The following ST3GAL4 variants were observed in gnomAD, a reference collection of about 807,000 sequenced individuals.
ST3GAL4 encodes the protein ST3 beta-galactoside alpha-2,3-sialyltransferase 4.
ST3GAL4 carries 24 observed loss-of-function variants against 42.6 expected under a neutral mutation model. The ratio of observed to expected loss-of-function variants is 0.56; its 90% CI spans 0.41 to 0.79. The LOEUF (loss-of-function observed/expected upper bound fraction) is 0.79, where lower values mean the gene tolerates loss of function less well. ST3GAL4 is among the 30% of genes least tolerant of loss of function. The pLI is 0.00. For missense variants in ST3GAL4, 311 were observed against 430.8 expected (o/e 0.72, Z 2.46); for synonymous variants, 135 against 163.2 (o/e 0.83, Z 1.32).
intron 1 of ST3GAL4, among the ~76,000 whole-genome samples, chr11:126,360,675 G>A (rs1350764187): frequency 6.6e-6 from 1 of 152,202 alleles, no homozygotes; most frequent in Non-Finnish European, 1.5e-5. Flanking sequence ...GCCCACCTCA[G>A]CCTCCCAAAG....
chr11:126,405,066 A>T (rs1041230007), intron 1 of ST3GAL4, among the ~76,000 whole-genome samples: 5 of 152,246 alleles, frequency 3.3e-5, no homozygotes, highest in African/African-American at 4.8e-5. Flanking sequence ...GTCCCAGGCC[A>T]TACTCAGGCT....
In ST3GAL4 at chr11:126,393,019, C is replaced by T. The variant is rs1285894227; in HGVS notation, c.-60-13077C>T. Among the ~76,000 whole-genome samples the T allele has an allele frequency of 1.3e-5, 2 of 148,622 alleles. No individual in the cohort carries two copies. Among genetic ancestry groups the T allele is most frequent in the African/African-American group, 2.5e-5 (1 of 39,822 alleles). Reference sequence around the variant, plus strand: ...GCAGGGGGACGATCATAGCTTACTGCAGCCTCGATCTCCTGGACTCAGGGG... The same window carrying T: ...GCAGGGGGACGATCATAGCTTACTGTAGCCTCGATCTCCTGGACTCAGGGG... On this transcript the variant is annotated intron_variant, in intron 1 of 10. Coordinates refer to ENST00000444328, the MANE Select transcript of ST3GAL4 (RefSeq NM_001254757.2). The surrounding 1 kb of genome is among the most constrained non-coding windows in gnomAD (Gnocchi z 5.9).
In ST3GAL4 at chr11:126,379,551, C is replaced by A. The variant is rs942907868; in HGVS notation, c.-61+23709C>A. Among the ~76,000 whole-genome samples the A allele has an allele frequency of 2.6e-5, 4 of 152,126 alleles. No individual in the cohort carries two copies. Among genetic ancestry groups the A allele is most frequent in the Non-Finnish European group, 4.4e-5 (3 of 68,042 alleles). On this transcript the variant is annotated intron_variant, in intron 1 of 10. Coordinates refer to ENST00000444328, the MANE Select transcript of ST3GAL4 (RefSeq NM_001254757.2). This position sits in a 1 kb window ranked among gnomAD's most constrained non-coding sequence, Gnocchi z 4.2. ...GCAGTGCAGTGGCACGATCTTGGCT[C>A]ACTGCAACCTCCACCTCCCGGGTTC...
intron 1 of ST3GAL4, among the ~76,000 whole-genome samples, chr11:126,399,663 G>T (rs1444346467): frequency 6.6e-6 from 1 of 152,056 alleles, no homozygotes; most frequent in Non-Finnish European, 1.5e-5. Flanking sequence ...AAGTTTTACA[G>T]TATACAGTTA....
Position 126,366,576 on chromosome 11 carries a change from C to T in ST3GAL4, c.-61+10734C>T, listed in dbSNP as rs2135391157. Among the ~76,000 whole-genome samples the T allele has an allele frequency of 6.6e-6, 1 of 152,320 alleles. No individual in the cohort carries two copies. The highest frequency in any genetic ancestry group is 2.4e-5 in the African/African-American group (1 of 41,576). On this transcript the variant is annotated intron_variant, in intron 1 of 10. Coordinates refer to ENST00000444328, the MANE Select transcript of ST3GAL4 (RefSeq NM_001254757.2). The surrounding 1 kb of genome is among the most constrained non-coding windows in gnomAD (Gnocchi z 4.2). ...CTGGGGGCCCTGTTCCACTCTCCTT[C>T]CCGTGTGCAGGGCCCTCCCCTCTGG...
chr11:126,406,756 C>T lies in ST3GAL4; in HGVS notation c.102-187C>T, dbSNP rs567480205. On this transcript the variant is annotated intron_variant, in intron 3 of 10. Coordinates refer to ENST00000444328, the MANE Select transcript of ST3GAL4 (RefSeq NM_001254757.2). The surrounding 1 kb of genome is among the most constrained non-coding windows in gnomAD (Gnocchi z 5.4). Reference sequence around the variant, plus strand: ...CCTGGGATGTCTCACTGGGCCCTCACCCAGGGAGTGCAGGGGCAGGAAGAC... The same window carrying T: ...CCTGGGATGTCTCACTGGGCCCTCATCCAGGGAGTGCAGGGGCAGGAAGAC... The T allele has an allele frequency of 1.3e-4, 126 of 941,202 alleles. 1 individual carries two copies. The African/African-American group carries it at 2.0e-3, about 15-fold the overall frequency. The allele number at this position is 941,202 out of a possible 1,614,324, so 58.3% of individuals were successfully genotyped here.
At chr11:126,402,121 A>G (rs1385590432) in intron 1 of ST3GAL4, among the ~76,000 whole-genome samples, 1 of 150,850 alleles carries the variant, frequency 6.6e-6, no homozygotes, top group Non-Finnish European at 1.5e-5. Context: ...CTAGACGTAG[A>G]CAGCAGGCAG....
In ST3GAL4 at chr11:126,379,889, G is replaced by A. The variant is rs1221238279; in HGVS notation, c.-61+24047G>A. Among the ~76,000 whole-genome samples the A allele has an allele frequency of 6.6e-6, 1 of 152,134 alleles. No homozygotes were observed. Among genetic ancestry groups the A allele is most frequent in the South Asian group, 2.1e-4 (1 of 4,824 alleles). The stretch of plus-strand genomic sequence containing the variant: ...GTTCAAGATCCTGACATTTTGCTAC[G>A]GTGAGAATAGTAACTGAAACTGGTG... On this transcript the variant is annotated intron_variant, in intron 1 of 10. Transcript: ENST00000444328. This position sits in a 1 kb window ranked among gnomAD's most constrained non-coding sequence, Gnocchi z 4.2.
Position 126,408,366 on chromosome 11 carries a change from G to A in ST3GAL4, c.497G>A (p.Arg166His), listed in dbSNP as rs1175320213. 5 of 1,614,010 alleles carry A rather than the reference G, an allele frequency of 3.1e-6. No individual in the cohort carries two copies. Among genetic ancestry groups the A allele is most frequent in the South Asian group, 1.1e-5 (1 of 91,090 alleles). Residue 166 changes from arginine to histidine, a missense_variant, in exon 8 of 11, where the codon CGT becomes CAT. Arg to His is a conservative substitution (Grantham distance 29, BLOSUM62 0). Coordinates refer to ENST00000444328, the MANE Select transcript of ST3GAL4 (RefSeq NM_001254757.2). The stretch of plus-strand genomic sequence containing the variant: ...GACGTGGGCTCCAAGACCACCATGC[G>A]TCTCTTCTACCCTGAATCTGCCCAC... The part of the protein sequence containing the change: ...EGDVGSKTTM[R>H]LFYPESAHFD...
At chr11:126,404,122 A>G (rs1414217730) in intron 1 of ST3GAL4, among the ~76,000 whole-genome samples, 1 of 152,232 alleles carries the variant, frequency 6.6e-6, no homozygotes, top group Non-Finnish European at 1.5e-5. Context: ...AGGCTTGACC[A>G]GTGCTTCTCA....
At chr11:126,399,746 T>G (rs928274877) in intron 1 of ST3GAL4, among the ~76,000 whole-genome samples, 1 of 152,230 alleles carries the variant, frequency 6.6e-6, no homozygotes, top group African/African-American at 2.4e-5. Context: ...AGTTTATCAC[T>G]CTTAAGTTCT....
intron 1 of ST3GAL4, chr11:126,358,536 T>A (rs991180117): frequency 1.1e-5 from 5 of 449,508 alleles, no homozygotes; most frequent in African/African-American, 1.0e-4. Flanking sequence ...TCCTTTATTC[T>A]ACAGACTGAG....
In ST3GAL4 at chr11:126,384,038, A is replaced by C. The variant is rs1046526970; in HGVS notation, c.-60-22058A>C. Among the ~76,000 whole-genome samples, 1 of 152,066 alleles carries C rather than the reference A, an allele frequency of 6.6e-6. No individual in the cohort carries two copies. The highest frequency in any genetic ancestry group is 1.5e-5 in the Non-Finnish European group (1 of 67,998). On this transcript the variant is annotated intron_variant, in intron 1 of 10. Coordinates refer to ENST00000444328, the MANE Select transcript of ST3GAL4 (RefSeq NM_001254757.2). This position sits in a 1 kb window ranked among gnomAD's most constrained non-coding sequence, Gnocchi z 5.5. ...CTGCCCCACTCTCCCTTCCCAATGC[A>C]GGGCCCTCTCCTCTGGCGAGCCTGC...
rs942754456 is a variant in ST3GAL4 at position 126,406,694 on chromosome 11, G to C, written c.101+137G>C. On this transcript the variant is annotated intron_variant, in intron 3 of 10. Coordinates refer to ENST00000444328, the MANE Select transcript of ST3GAL4 (RefSeq NM_001254757.2). The surrounding 1 kb of genome is among the most constrained non-coding windows in gnomAD (Gnocchi z 5.4). ...CATGACCTCATCCCTTCAGCTGCTGGTACGGAGTGTTTCCATGAGGGTGGG... is the reference window on the plus strand; with the variant it reads ...CATGACCTCATCCCTTCAGCTGCTGCTACGGAGTGTTTCCATGAGGGTGGG... The C allele has an allele frequency of 1.1e-6, 1 of 871,432 alleles. No homozygotes were observed. Among genetic ancestry groups the C allele is most frequent in the East Asian group, 3.4e-5 (1 of 29,016 alleles). The allele number at this position is 871,432 out of a possible 1,614,324, so 54.0% of individuals were successfully genotyped here. A position where few individuals can be genotyped will look rare whatever the true frequency, so the allele number is the denominator to read the frequency against.
Position 126,359,237 on chromosome 11 carries a change from A to G in ST3GAL4, c.-61+3395A>G, listed in dbSNP as rs955913001. Among the ~76,000 whole-genome samples, 4 of 152,172 alleles carry G rather than the reference A, an allele frequency of 2.6e-5. No homozygotes were observed. The highest frequency in any genetic ancestry group is 9.7e-5 in the African/African-American group (4 of 41,444). The stretch of plus-strand genomic sequence containing the variant: ...CCCATAATGAAAATGGCCTCAGCAA[A>G]TAACAAAAATATTACCATTTAGCAA... On this transcript the variant is annotated intron_variant, in intron 1 of 10. Transcript: ENST00000444328. The surrounding 1 kb of genome is among the most constrained non-coding windows in gnomAD (Gnocchi z 4.8).
chr11:126,413,372 T>C, intron 9 of ST3GAL4, 133 bp from the exon 10 acceptor site: 1 of 1,125,812 alleles, frequency 8.9e-7, no homozygotes, highest in South Asian at 1.7e-5. Context: ...CGTTAGCTCG[T>C]GGCTTGTCTT....
chr11:126,363,767 G>A lies in ST3GAL4; in HGVS notation c.-61+7925G>A, dbSNP rs1215041826. On this transcript the variant is annotated intron_variant, in intron 1 of 10. Coordinates refer to ENST00000444328, the MANE Select transcript of ST3GAL4 (RefSeq NM_001254757.2). The surrounding 1 kb of genome is among the most constrained non-coding windows in gnomAD (Gnocchi z 4.6). ...TCTTGAGCTCTTTCTCCCAGGGGAA[G>A]CTGCTCGAATGAGGGGAGTTGGCCA... Among the ~76,000 whole-genome samples the A allele has an allele frequency of 6.6e-6, 1 of 152,190 alleles. No individual in the cohort carries two copies. The highest frequency in any genetic ancestry group is 1.5e-5 in the Non-Finnish European group (1 of 68,038).
At chr11:126,408,819 C>T in intron 8 of ST3GAL4, 1 of 443,620 alleles carries the variant, frequency 2.3e-6, no homozygotes. Flanking sequence ...AACCCTCCAG[C>T]AGCCATCTCC....
rs764786956 is a variant in ST3GAL4 at position 126,413,529 on chromosome 11, A to G, written c.796A>G (p.Ile266Val). 1.2e-6 allele frequency: 2 copies of G among 1,614,214 alleles called. No homozygotes were observed. The highest frequency in any genetic ancestry group is 4.5e-5 in the East Asian group (2 of 44,878). The change falls in exon 10 of 11, where the codon ATC (isoleucine) becomes GTC (valine). Residue 266 changes from isoleucine to valine, a missense_variant. Ile to Val is a conservative substitution (Grantham distance 29, BLOSUM62 3). Transcript: ENST00000444328. ...GAAGCCCACCACGGGCCTGTTGGCC[A>G]TCACGCTGGCCCTCCACCTCTGTGA... ...KQKPTTGLLAITLALHLCDLV... is the reference protein window; with the variant it reads ...KQKPTTGLLAVTLALHLCDLV...
Sources: allele counts gnomAD v4.1 joint callset (sites outside exome capture counted in the v4.1 genomes callset), GRCh38; gene constraint gnomAD v4.1.1; non-coding constraint Gnocchi (gnomAD v3.1); transcripts MANE v1.5; gene names NCBI Gene and HGNC (gene_info 2026-07-23, HGNC 2026-07-21).